Variants in SLC16A12 observed in about 807,000 individuals in gnomAD.
The protein encoded by SLC16A12 is monocarboxylate transporter 12.
SLC16A12 carries 17 observed loss-of-function variants against 42.4 expected under a neutral mutation model. The observed-to-expected ratio is 0.40, with a 90% CI of 0.27 to 0.60. SLC16A12 has a LOEUF of 0.60. SLC16A12 is among the 20% of genes least tolerant of loss of function. The pLI, the probability that SLC16A12 is intolerant of heterozygous loss-of-function variation, is 0.42. For missense variants in SLC16A12, 544 were observed against 623.0 expected (o/e 0.87, Z 1.35); for synonymous variants, 224 against 229.4 (o/e 0.98, Z 0.21).
At chr10:89,467,238 C>T (rs989686603) in intron 2 of SLC16A12, among the ~76,000 whole-genome samples, 9 of 152,188 alleles carry the variant, frequency 5.9e-5, no homozygotes, top group East Asian at 1.9e-4. Context: ...TTATTAGTGC[C>T]GCCCTATGCT....
rs908215968 is a variant in SLC16A12 at position 89,503,051 on chromosome 10, T to C, written c.-47+31450A>G. Among the ~76,000 whole-genome samples, 34 of 152,154 alleles carry C rather than the reference T, an allele frequency of 2.2e-4. 1 individual carries two copies. Among genetic ancestry groups the C allele is most frequent in the Admixed American group, 2.2e-3 (34 of 15,262 alleles). On this transcript the variant is annotated intron_variant, in intron 2 of 7. Coordinates refer to ENST00000371790, the MANE Select transcript of SLC16A12 (RefSeq NM_213606.4). ...CAGACAAGCACTTAGTTCATATCTC[T>C]CCAGTAAATGTTCTCAAAAGCAGCC...
chr10:89,544,325 G>A (rs1843731542), intron 2 of SLC16A12, among the ~76,000 whole-genome samples: 1 of 152,328 alleles, frequency 6.6e-6, no homozygotes, highest in South Asian at 2.1e-4. Context: ...TACTGGTGCT[G>A]TCTCCCAACC....
At chr10:89,536,088 C>G (rs1843655970), upstream of SLC16A12, among the ~76,000 whole-genome samples, 1 of 152,198 alleles carries the variant, frequency 6.6e-6, no homozygotes, top group Admixed American at 6.5e-5. Flanking sequence ...TTCTGTGTCC[C>G]CAGCCAAACC....
At chr10:89,464,035 G>A (rs866118145) in intron 2 of SLC16A12, among the ~76,000 whole-genome samples, 9 of 152,140 alleles carry the variant, frequency 5.9e-5, no homozygotes, top group African/African-American at 7.2e-5. Context: ...ACTCAGGCCT[G>A]CTAGCCACTC....
Position 89,469,116 on chromosome 10 carries a change from A to C in SLC16A12, c.-46-6492T>G, listed in dbSNP as rs200530516. ...TGCACCCCAGCCTAAAACTATAAGCAAAGGAAGCATTTACCATCTTGCAAC... is the reference window on the plus strand; with the variant it reads ...TGCACCCCAGCCTAAAACTATAAGCCAAGGAAGCATTTACCATCTTGCAAC... On this transcript the variant is annotated intron_variant, in intron 2 of 7. Coordinates refer to ENST00000371790, the MANE Select transcript of SLC16A12 (RefSeq NM_213606.4). Among the ~76,000 whole-genome samples, 3 of 152,170 alleles carry C rather than the reference A, an allele frequency of 2.0e-5. No homozygotes were observed. In the East Asian group the frequency reaches 5.8e-4, roughly 29 times the overall value.
At chr10:89,438,555 G>C (rs1031235157) in intron 6 of SLC16A12, 49 bp downstream of exon 6, 3 of 1,558,146 alleles carry the variant, frequency 1.9e-6, no homozygotes, top group Non-Finnish European at 8.8e-7. Flanking sequence ...AGAAACTCAA[G>C]GCTTAAAGTC....
chr10:89,518,406 CT>C (rs1019242222), intron 2 of SLC16A12, among the ~76,000 whole-genome samples: 4 of 152,282 alleles, frequency 2.6e-5, no homozygotes, highest in African/African-American at 9.6e-5. Flanking sequence ...AGCAGCTGTT[CT>C]GTCTGGCTGG....
rs1841845416 is a variant in SLC16A12, at chr10:89,438,650, T to C, written c.982A>G (p.Ile328Val). The C allele has an allele frequency of 6.2e-7, 1 of 1,613,708 alleles. No homozygotes were observed. The highest frequency in any genetic ancestry group is 8.5e-7 in the Non-Finnish European group (1 of 1,179,902). ...AAFLMSILGV[I>V]DIIGNITFGW... ...AATGTGATATTGCCAATAATGTCAA[T>C]CACTCCAAGTATGGACATAAGAAAA... is the stretch of plus-strand genomic sequence containing the variant. The change falls in exon 6 of 8, where the codon ATT becomes GTT. Residue 328 changes from isoleucine (I) to valine (V), a missense_variant. By Grantham distance (29) the Ile-to-Val change is conservative. Coordinates refer to ENST00000371790, the MANE Select transcript of SLC16A12 (RefSeq NM_213606.4).
At chr10:89,436,426 G>A in intron 6 of SLC16A12, 107 bp from the exon 7 acceptor site, 1 of 1,364,200 alleles carries the variant, frequency 7.3e-7, no homozygotes, top group Non-Finnish European at 1.0e-6. Flanking sequence ...TACAGAGATG[G>A]CTTTCCCATT....
intron 2 of SLC16A12, among the ~76,000 whole-genome samples, chr10:89,515,152 G>A (rs769907431): frequency 5.9e-5 from 9 of 151,776 alleles, no homozygotes; most frequent in South Asian, 2.1e-4. Context: ...AAAGAAAAGC[G>A]GCCTGTTAGG....
rs190603812 is a variant in SLC16A12, at chr10:89,468,616, G to A, written c.-46-5992C>T. Among the ~76,000 whole-genome samples the A allele has an allele frequency of 2.6e-3, 397 of 152,320 alleles. 2 individuals are homozygous for A. The highest frequency in any genetic ancestry group is 8.6e-3 in the African/African-American group (358 of 41,568). ...CGACAAGGTTATCACAAGGTTATATGGCTGTTCACAAAACAACGCATGTGA... is the reference window on the plus strand; with the variant it reads ...CGACAAGGTTATCACAAGGTTATATAGCTGTTCACAAAACAACGCATGTGA... On this transcript the variant is annotated intron_variant, in intron 2 of 7. Coordinates refer to ENST00000371790, the MANE Select transcript of SLC16A12 (RefSeq NM_213606.4).
intron 4 of SLC16A12, among the ~76,000 whole-genome samples, chr10:89,442,656 T>C (rs555330121): frequency 3.5e-4 from 54 of 152,332 alleles, no homozygotes; most frequent in Non-Finnish European, 6.0e-4. Context: ...TAAGACCTTC[T>C]TCTTAGTTGA....
chr10:89,443,827 G>A lies in SLC16A12; in HGVS notation c.233C>T (p.Thr78Ile), dbSNP rs756593597. 2 of 1,613,518 alleles carry A rather than the reference G, an allele frequency of 1.2e-6. No homozygotes were observed. Among genetic ancestry groups the A allele is most frequent in the African/African-American group, 1.3e-5 (1 of 75,018 alleles). ...TTGTGCGTAATCCTGAGTGAAGTAT[G>A]TCTGGAACTCCACAAAAAAAATTGA... The part of the protein sequence containing the change: ...CISIFFVEFQ[T>I]YFTQDYAQTA... The change falls in exon 4 of 8, where the codon ACA (threonine) becomes ATA (isoleucine). Residue 78 changes from threonine (T) to isoleucine (I), a missense_variant. Physicochemically the swap from Thr to Ile is moderately conservative, Grantham distance 89 (BLOSUM62 -1). Coordinates refer to ENST00000371790, the MANE Select transcript of SLC16A12 (RefSeq NM_213606.4).
At chr10:89,507,581 C>T (rs944288225) in intron 2 of SLC16A12, among the ~76,000 whole-genome samples, 16 of 152,190 alleles carry the variant, frequency 1.1e-4, no homozygotes, top group African/African-American at 3.6e-4. Context: ...GAAGGAAGCA[C>T]TAAACATGGA....
intron 2 of SLC16A12, among the ~76,000 whole-genome samples, chr10:89,475,625 G>C (rs1323086296): frequency 3.9e-5 from 6 of 152,010 alleles, no homozygotes; most frequent in Admixed American, 2.6e-4. Context: ...ACAAATCCTG[G>C]TAACGGGAGT....
At chr10:89,554,131 G>GGAAGGAAAGAAA (rs1843793351) in intron 2 of SLC16A12, among the ~76,000 whole-genome samples, 1 of 136,158 alleles carries the variant, frequency 7.3e-6, no homozygotes, top group African/African-American at 3.1e-5. Flanking sequence ...AAGGAAGGAA[G>GGAAGGAAAGAAA]GAAGGAAGGA....
At chr10:89,513,313 C>A (rs149754981) in intron 2 of SLC16A12, among the ~76,000 whole-genome samples, 2 of 152,206 alleles carry the variant, frequency 1.3e-5, no homozygotes, top group Admixed American at 1.3e-4. Flanking sequence ...TTTGAATGCA[C>A]TGTAACTGAC....
intron 2 of SLC16A12, among the ~76,000 whole-genome samples, chr10:89,521,443 C>T (rs1275809514): frequency 3.9e-5 from 6 of 152,166 alleles, no homozygotes; most frequent in Non-Finnish European, 5.9e-5. Context: ...GAATCCTACA[C>T]GGGCAGAGGA....
At chr10:89,462,738 C>T (rs1262340928) in intron 2 of SLC16A12, 114 bp from the exon 3 acceptor site, 1 of 1,154,006 alleles carries the variant, frequency 8.7e-7, no homozygotes, top group Non-Finnish European at 1.2e-6. Context: ...GTATTTGTAA[C>T]TATGAATACT....
Sources: allele counts gnomAD v4.1 joint callset (sites outside exome capture counted in the v4.1 genomes callset), GRCh38; gene constraint gnomAD v4.1.1; transcripts MANE v1.5; gene names NCBI Gene and HGNC (gene_info 2026-07-23, HGNC 2026-07-21).